TRPV5: variants seen among roughly 807,000 people sequenced by gnomAD.
TRPV5 encodes transient receptor potential cation channel subfamily V member 5, also known as calcium transport protein 2.
In TRPV5, 66 loss-of-function variants were observed where a neutral mutation model predicts 74.1. The ratio of observed to expected loss-of-function variants is 0.89; its 90% CI spans 0.73 to 1.09. The LOEUF (loss-of-function observed/expected upper bound fraction) is 1.09, where lower values mean the gene tolerates loss of function less well. TRPV5 is among the 50% of genes least tolerant of loss of function. The pLI is 0.00. For missense variants in TRPV5, 936 were observed against 930.4 expected, an observed-to-expected ratio of 1.01 and a Z score of -0.08; for synonymous variants, 399 against 360.7, an observed-to-expected ratio of 1.11 and a Z score of -1.20.
In TRPV5 at chr7:142,908,364, T is replaced by C. The variant is rs529141989; in HGVS notation, c.*150A>G. ...CATTGCCAGAAATTCTGATGTGAAG[T>C]GTGAGGCATGACCCTTTAGGGATTG... On this transcript the variant is annotated 3_prime_UTR_variant, in exon 15 of 15. Transcript: ENST00000265310. The C allele has an allele frequency of 1.2e-6, 1 of 814,630 alleles. No homozygotes were observed. The highest frequency in any genetic ancestry group is 2.8e-5 in the Admixed American group (1 of 35,088). 50.5% of individuals were successfully genotyped at this position (814,630 alleles called of 1,614,324 possible).
chr7:142,927,709 A>G (rs759622311), intron 7 of TRPV5, among the ~76,000 whole-genome samples: 7 of 152,202 alleles, frequency 4.6e-5, no homozygotes, highest in Non-Finnish European at 1.0e-4. Context: ...CCATGATCCA[A>G]TCACCTCCCA....
chr7:142,924,235 T>C (rs60789009), intron 8 of TRPV5, among the ~76,000 whole-genome samples: 2 of 138,996 alleles, frequency 1.4e-5, no homozygotes, highest in East Asian at 2.0e-4. Flanking sequence ...TATACATATA[T>C]ATATATATAC....
chr7:142,931,724 C>T (rs554336651), intron 1 of TRPV5, among the ~76,000 whole-genome samples: 7 of 152,246 alleles, frequency 4.6e-5, no homozygotes, highest in East Asian at 3.9e-4. Context: ...TTTTTTGAGA[C>T]GAAGTCTCAC....
At chr7:142,927,815 G>A (rs1197421772) in intron 7 of TRPV5, among the ~76,000 whole-genome samples, 2 of 152,202 alleles carry the variant, frequency 1.3e-5, no homozygotes, top group Admixed American at 1.3e-4. Flanking sequence ...ACCAATGAAT[G>A]AATATGAGGA....
chr7:142,915,940 A>C (rs1349369768), intron 8 of TRPV5, among the ~76,000 whole-genome samples: 1 of 152,224 alleles, frequency 6.6e-6, no homozygotes, highest in Non-Finnish European at 1.5e-5. Flanking sequence ...GCTATGTGGA[A>C]AGTCCACCTT....
Position 142,933,669 on chromosome 7 carries a change from G to A in TRPV5, c.-210C>T, listed in dbSNP as rs1473383957. On this transcript the variant is annotated 5_prime_UTR_variant, in exon 1 of 15. Coordinates refer to ENST00000265310, the MANE Select transcript of TRPV5 (RefSeq NM_019841.7). The stretch of plus-strand genomic sequence containing the variant: ...TGGGGTGTGCGTGTATGCACAGTGT[G>A]TGGCTGTGGTGTATGTGTGTGCATG... 1.6e-6 allele frequency: 1 copy of A among 621,966 alleles called. No individual in the cohort carries two copies. The highest frequency in any genetic ancestry group is 2.8e-6 in the Non-Finnish European group (1 of 360,938). 38.5% of individuals were successfully genotyped at this position (621,966 alleles called of 1,614,324 possible). A position where few individuals can be genotyped will look rare whatever the true frequency, so the allele number is the denominator to read the frequency against.
At chr7:142,909,179 C>A (rs146029462) in intron 14 of TRPV5, among the ~76,000 whole-genome samples, 7 of 151,944 alleles carry the variant, frequency 4.6e-5, no homozygotes, top group African/African-American at 1.2e-4. Flanking sequence ...AGAGTCACGC[C>A]GGGAGATGAG....
intron 8 of TRPV5, among the ~76,000 whole-genome samples, chr7:142,918,722 GA>G (rs1795835549): frequency 1.3e-5 from 2 of 152,178 alleles, no homozygotes; most frequent in Non-Finnish European, 2.9e-5. Context: ...AGAGCTAAAA[GA>G]AAGAAAAACT....
At chr7:142,931,696 T>C (rs1336198588) in intron 1 of TRPV5, among the ~76,000 whole-genome samples, 1 of 152,168 alleles carries the variant, frequency 6.6e-6, no homozygotes, top group Non-Finnish European at 1.5e-5. Context: ...AAAAGTGTTT[T>C]TATTTTATTT....
intron 7 of TRPV5, among the ~76,000 whole-genome samples, chr7:142,926,816 G>A (rs1795996337): frequency 6.6e-6 from 1 of 152,182 alleles, no homozygotes; most frequent in Admixed American, 6.5e-5. Context: ...TGCTCAAAGT[G>A]TATCTGTTTC....
At position 142,914,895 on chromosome 7, in the gene TRPV5, T is replaced by A; in HGVS notation, c.1438A>T (p.Ile480Phe). ...AAAGCACTGACCTTCTGGATCATGA[T>A]GGTGAAGGGACCCAGCATCTGGAAT... is the stretch of plus-strand genomic sequence containing the variant. ...RGFQMLGPFT[I>F]MIQKMIFGDL... The change falls in exon 11 of 15, where the codon ATC (isoleucine) becomes TTC (phenylalanine). Residue 480 changes from isoleucine to phenylalanine, a missense_variant. Coordinates refer to ENST00000265310, the MANE Select transcript of TRPV5 (RefSeq NM_019841.7). The A allele has an allele frequency of 6.2e-7, 1 of 1,614,078 alleles. No homozygotes were observed. Among genetic ancestry groups the A allele is most frequent in the Non-Finnish European group, 8.5e-7 (1 of 1,179,990 alleles).
chr7:142,917,547 C>G (rs1366687213), intron 8 of TRPV5, among the ~76,000 whole-genome samples: 3 of 152,170 alleles, frequency 2.0e-5, no homozygotes, highest in Non-Finnish European at 4.4e-5. Context: ...AATGTGAAAC[C>G]CCTCTAATGC....
chr7:142,924,927 A>T (rs767392726), intron 8 of TRPV5: 13 of 157,362 alleles, frequency 8.3e-5, no homozygotes, highest in Admixed American at 1.8e-4. Context: ...CCTCTTCCTA[A>T]CCCTAGTTTT....
intron 8 of TRPV5, among the ~76,000 whole-genome samples, chr7:142,920,445 C>T (rs1008829741): frequency 6.6e-6 from 1 of 151,626 alleles, no homozygotes; most frequent in Non-Finnish European, 1.5e-5. Context: ...ATATCTGATC[C>T]TCTCCCACAG....
intron 8 of TRPV5, among the ~76,000 whole-genome samples, chr7:142,920,706 C>T (rs1795868938): frequency 6.6e-6 from 1 of 152,202 alleles, no homozygotes; most frequent in African/African-American, 2.4e-5. Context: ...ATCAGATTCA[C>T]CATCTTTAAA....
chr7:142,914,589 T>C, intron 12 of TRPV5, 51 bp downstream of exon 12: 2 of 1,479,600 alleles, frequency 1.4e-6, no homozygotes, highest in Non-Finnish European at 1.9e-6. Flanking sequence ...AGAGTGAACT[T>C]TCTGGAGAAC....
rs1796065847 is a variant in TRPV5, at chr7:142,930,330, C to A, written c.226+19G>T. On this transcript the variant is annotated intron_variant, in intron 2 of 14. Coordinates refer to ENST00000265310, the MANE Select transcript of TRPV5 (RefSeq NM_019841.7). ...GGTTCTTCTGCCCCCACCTCCATCC[C>A]ATTAAATCCAGATCCCACCTCTTTG... is the stretch of plus-strand genomic sequence containing the variant. 1 of 1,613,082 alleles carries A rather than the reference C, an allele frequency of 6.2e-7. No homozygotes were observed. Among genetic ancestry groups the A allele is most frequent in the Admixed American group, 1.7e-5 (1 of 60,002 alleles).
chr7:142,915,232 A>G, intron 10 of TRPV5, 75 bp downstream of exon 10: 1 of 1,573,906 alleles, frequency 6.4e-7, no homozygotes, highest in Non-Finnish European at 8.7e-7. Flanking sequence ...GAGGCCTAGA[A>G]CTCAGAGAGT....
Position 142,917,169 on chromosome 7 carries a change from G to T in TRPV5, c.1123-1601C>A, listed in dbSNP as rs4252479. 9.1e-3 allele frequency among the ~76,000 whole-genome samples: 1,376 copies of T among 151,418 alleles called. 22 individuals are homozygous for T. Among genetic ancestry groups the T allele is most frequent in the African/African-American group, 0.031 (1,289 of 41,290 alleles). Reference sequence around the variant, plus strand: ...TCCTTCTCTTCTCTCCTGAAATTCAGTTCACGGACTGTGTTCTTTTTCTTT... The same window carrying T: ...TCCTTCTCTTCTCTCCTGAAATTCATTTCACGGACTGTGTTCTTTTTCTTT... On this transcript the variant is annotated intron_variant, in intron 8 of 14. Coordinates refer to ENST00000265310, the MANE Select transcript of TRPV5 (RefSeq NM_019841.7).
Sources: gnomAD v4.1 joint callset for allele counts (sites outside exome capture counted in the v4.1 genomes callset) on GRCh38, gnomAD v4.1.1 for gene constraint, MANE v1.5 for transcripts, NCBI Gene and HGNC (gene_info 2026-07-23, HGNC 2026-07-21) for gene names.